The following HOMER3 variants were observed in gnomAD, a reference collection of about 807,000 sequenced individuals.
The protein encoded by HOMER3 is homer scaffold protein 3.
A neutral mutation model predicts 45.5 loss-of-function variants in HOMER3; 34 were observed. The ratio of observed to expected loss-of-function variants is 0.75; its 90% CI spans 0.57 to 1.00. The LOEUF is 1.00. Ranked by LOEUF, HOMER3 falls within the 50% of genes least tolerant of loss-of-function variation. The pLI is 0.00. For missense variants in HOMER3, 480 were observed against 497.5 expected, an observed-to-expected ratio of 0.96 and a Z score of 0.33; for synonymous variants, 223 against 208.8, an observed-to-expected ratio of 1.07 and a Z score of -0.58.
chr19:18,934,620 C>T (rs1401841432), intron 4 of HOMER3, among the ~76,000 whole-genome samples: 1 of 152,122 alleles, frequency 6.6e-6, no homozygotes, highest in Non-Finnish European at 1.5e-5. Context: ...ATACATTGGG[C>T]CACATTGAGA....
rs575987566 is a variant in HOMER3 at position 18,934,875 on chromosome 19, T to TTTG, written c.304-466_304-465insCAA. 6.3e-4 allele frequency among the ~76,000 whole-genome samples: 82 copies of TTTG among 130,558 alleles called. 1 individual carries two copies. Among genetic ancestry groups the TTTG allele is most frequent in the Admixed American group, 4.4e-3 (49 of 11,046 alleles). The allele number at this position is 130,558 out of a possible 152,430, so 85.7% of individuals were successfully genotyped here. A position where few individuals can be genotyped will look rare whatever the true frequency, so the allele number is the denominator to read the frequency against. On this transcript the variant is annotated intron_variant, in intron 4 of 9. Coordinates refer to ENST00000392351, the MANE Select transcript of HOMER3 (RefSeq NM_004838.4). Reference sequence around the variant, plus strand: ...ATGGCCCTTTTCCTGTTTTTTGTTTTTTTTTTTTTTGAGATGGAGTCTTGC... The same window carrying TTTG: ...ATGGCCCTTTTCCTGTTTTTTGTTTTTTGTTTTTTTTTTGAGATGGAGTCTTGC...
chr19:18,931,047 T>G (rs1324194086), intron 9 of HOMER3, among the ~76,000 whole-genome samples: 1 of 152,094 alleles, frequency 6.6e-6, no homozygotes, highest in East Asian at 1.9e-4. Context: ...AAGCCAGACC[T>G]AGTTCCAATG....
intron 4 of HOMER3, among the ~76,000 whole-genome samples, chr19:18,936,329 T>TAA (rs2057092955): frequency 1.6e-5 from 2 of 125,024 alleles, no homozygotes; most frequent in Non-Finnish European, 3.3e-5. Flanking sequence ...AATAAATAAA[T>TAA]AAATAAATAA....
rs1195043910 is a variant in HOMER3 at position 18,931,903 on chromosome 19, G to C, written c.690+73C>G. The C allele has an allele frequency of 4.1e-6, 6 of 1,447,640 alleles. No homozygotes were observed. In the South Asian group the frequency reaches 7.0e-5, roughly 17 times the overall value. 89.7% of individuals were successfully genotyped at this position (1,447,640 alleles called of 1,614,324 possible). On this transcript the variant is annotated intron_variant, in intron 7 of 9. Transcript: ENST00000392351. ...CTAGTCCATGAACCCAGGGCAGATG[G>C]GAACTGCCGAGGCGCGGTCTCCACA...
intron 4 of HOMER3, among the ~76,000 whole-genome samples, chr19:18,935,048 G>A (rs551995668): frequency 6.6e-6 from 1 of 151,528 alleles, no homozygotes; most frequent in East Asian, 1.9e-4. Context: ...TACCATGTTG[G>A]CCAGGCTGAT....
Position 18,931,976 on chromosome 19 carries a change from C to A in HOMER3, c.690G>T (p.Arg230=), listed in dbSNP as rs1357608823. 6.6e-7 allele frequency: 1 copy of A among 1,526,160 alleles called. No individual in the cohort carries two copies. Among genetic ancestry groups the A allele is most frequent in the East Asian group, 2.5e-5 (1 of 40,486 alleles). 94.5% of individuals were successfully genotyped at this position (1,526,160 alleles called of 1,614,324 possible). A position where few individuals can be genotyped will look rare whatever the true frequency, so the allele number is the denominator to read the frequency against. ...QRAEAERLRQ[R]VAELEAQAAS... Reference sequence around the variant, plus strand: ...CTCTCGGAGGGAGGGGTGCCCTCACCCGCTGCCGCAGCCGCTCGGCCTCTG... The same window carrying A: ...CTCTCGGAGGGAGGGGTGCCCTCACACGCTGCCGCAGCCGCTCGGCCTCTG... The change falls in exon 7 of 10, where the codon CGG becomes CGT. Residue 230 remains arginine, a splice_region_variant and synonymous_variant. Transcript: ENST00000392351.
Position 18,931,759 on chromosome 19 carries a change from C to A in HOMER3, c.691-134G>T, listed in dbSNP as rs922376650. ...CATCTCCCTTGGTTGGTGCCACCAC[C>A]CCCCTCTGCACAGCTTGGACTTTAG... On this transcript the variant is annotated intron_variant, in intron 7 of 9. Coordinates refer to ENST00000392351, the MANE Select transcript of HOMER3 (RefSeq NM_004838.4). 2.1e-5 allele frequency: 31 copies of A among 1,482,690 alleles called. No individual in the cohort carries two copies. The highest frequency in any genetic ancestry group is 2.7e-5 in the Non-Finnish European group (30 of 1,123,864). 91.8% of individuals were successfully genotyped at this position (1,482,690 alleles called of 1,614,324 possible).
intron 4 of HOMER3, among the ~76,000 whole-genome samples, chr19:18,935,671 T>C (rs1214984247): frequency 6.6e-6 from 1 of 152,162 alleles, no homozygotes; most frequent in Non-Finnish European, 1.5e-5. Flanking sequence ...CCAGTTAGGA[T>C]AGGATATGTT....
intron 6 of HOMER3, 147 bp downstream of exon 6, chr19:18,932,777 C>A: frequency 1.7e-6 from 1 of 600,514 alleles, no homozygotes; most frequent in Non-Finnish European, 2.6e-6. Flanking sequence ...CTGGATGGGG[C>A]AGCATTCAGA....
At chr19:18,936,017 T>A (rs2057088839) in intron 4 of HOMER3, among the ~76,000 whole-genome samples, 1 of 147,720 alleles carries the variant, frequency 6.8e-6, no homozygotes, top group African/African-American at 2.5e-5. Context: ...AAACTCTGTC[T>A]CAAAATAAAT....
At chr19:18,930,092 A>T (rs563859722) in intron 9 of HOMER3, among the ~76,000 whole-genome samples, 3 of 152,018 alleles carry the variant, frequency 2.0e-5, no homozygotes, top group South Asian at 4.2e-4. Flanking sequence ...TCTACTAAAA[A>T]TACAAAAATT....
chr19:18,929,649 TG>T lies in HOMER3; in HGVS notation c.895-16del. 1.4e-6 allele frequency: 2 copies of T among 1,474,496 alleles called. No homozygotes were observed. The highest frequency in any genetic ancestry group is 1.8e-6 in the Non-Finnish European group (2 of 1,104,058). 91.3% of individuals were successfully genotyped at this position (1,474,496 alleles called of 1,614,324 possible). On this transcript the variant is annotated splice_polypyrimidine_tract_variant and intron_variant, in intron 9 of 9. Transcript: ENST00000392351. ...GTCTCCAGGTCCTGCCAGGAAAGGG[TG>T]GGCAGGGTTGGGGGCCCCAACAAAT...
At chr19:18,930,283 T>C (rs528075212) in intron 9 of HOMER3, among the ~76,000 whole-genome samples, 2 of 147,840 alleles carry the variant, frequency 1.4e-5, no homozygotes, top group African/African-American at 5.0e-5. Flanking sequence ...CGCAGTGGTT[T>C]ACGCCTATAA....
intron 1 of HOMER3, 25 bp downstream of exon 1, chr19:18,941,026 C>G (rs1408820830): frequency 6.6e-6 from 1 of 151,938 alleles, no homozygotes; most frequent in East Asian, 1.9e-4. Context: ...GCGCTCCCAG[C>G]GCAGGCTCGG....
chr19:18,929,341 G>T lies in HOMER3; in HGVS notation c.*102C>A, dbSNP rs776037184. 309 of 1,153,948 alleles carry T rather than the reference G, an allele frequency of 2.7e-4. No individual in the cohort carries two copies. Among genetic ancestry groups the T allele is most frequent in the Non-Finnish European group, 3.3e-4 (262 of 792,218 alleles). The allele number at this position is 1,153,948 out of a possible 1,614,324, so 71.5% of individuals were successfully genotyped here. A position where few individuals can be genotyped will look rare whatever the true frequency, so the allele number is the denominator to read the frequency against. On this transcript the variant is annotated 3_prime_UTR_variant, in exon 10 of 10. Transcript: ENST00000392351. ...GGCCCGGCCCACCCAGGGCTAAGTT[G>T]GGACCCCCCAGTCCCTTTCCAGGAC...
At chr19:18,937,480 C>T (rs555319955) in intron 4 of HOMER3, among the ~76,000 whole-genome samples, 1 of 151,588 alleles carries the variant, frequency 6.6e-6, no homozygotes, top group South Asian at 2.1e-4. Flanking sequence ...AGTTCAAGAC[C>T]ACCCTGGCCA....
chr19:18,933,135 G>T, intron 5 of HOMER3, 90 bp from the exon 6 acceptor site: 1 of 1,390,238 alleles, frequency 7.2e-7, no homozygotes, highest in South Asian at 1.9e-5. Context: ...GGGTGCAATT[G>T]ACCTATGCAC....
At chr19:18,932,885 A>AACCCCCCCC in intron 6 of HOMER3, 39 bp downstream of exon 6, 1 of 687,536 alleles carries the variant, frequency 1.5e-6, no homozygotes, top group Non-Finnish European at 2.1e-6. Context: ...CCCCACCCCT[A>AACCCCCCCC]CCCCCGCCCC....
intron 4 of HOMER3, among the ~76,000 whole-genome samples, chr19:18,934,789 G>A (rs1158232166): frequency 6.6e-6 from 1 of 152,008 alleles, no homozygotes; most frequent in Non-Finnish European, 1.5e-5. Flanking sequence ...GGGACTACAG[G>A]TGTGTGCCAT....
Sources: allele counts gnomAD v4.1 joint callset (sites outside exome capture counted in the v4.1 genomes callset), GRCh38; gene constraint gnomAD v4.1.1; transcripts MANE v1.5; gene names NCBI Gene and HGNC (gene_info 2026-07-23, HGNC 2026-07-21).